The following GRIK1 variants were observed in gnomAD, a reference collection of about 807,000 sequenced individuals.
GRIK1 encodes glutamate receptor ionotropic, kainate 1.
A neutral mutation model predicts 105.7 loss-of-function variants in GRIK1; 69 were observed. The ratio of observed to expected loss-of-function variants is 0.65; its 90% confidence interval spans 0.54 to 0.80. The LOEUF is 0.80. GRIK1 is among the 30% of genes least tolerant of loss of function. The probability of loss-of-function intolerance (pLI) is 0.00; values close to 1 mark genes in which losing one functional copy is unlikely to be tolerated. For synonymous variants in GRIK1, 438 were observed against 431.3 expected, an observed-to-expected ratio of 1.02 and a Z score of -0.19; for missense variants, 1,109 against 1,167.3, an observed-to-expected ratio of 0.95 and a Z score of 0.73.
chr21:29,744,499 G>A (rs2065003480), intron 1 of GRIK1, among the ~76,000 whole-genome samples: 1 of 151,644 alleles, frequency 6.6e-6, no homozygotes, highest in Non-Finnish European at 1.5e-5. Flanking sequence ...ATTCTGAGGA[G>A]AGGGGGCAAG....
chr21:29,585,227 G>C (rs2091105202), intron 12 of GRIK1, among the ~76,000 whole-genome samples: 1 of 152,108 alleles, frequency 6.6e-6, no homozygotes, highest in Non-Finnish European at 1.5e-5. Flanking sequence ...TGGGGGTACT[G>C]TTATCTTAAT....
chr21:29,777,990 T>C (rs541751124), intron 1 of GRIK1, among the ~76,000 whole-genome samples: 1 of 152,178 alleles, frequency 6.6e-6, no homozygotes, highest in Non-Finnish European at 1.5e-5. Context: ...CTGTGGGAAC[T>C]GCAGCAGACT....
chr21:29,710,895 T>G (rs982832578), intron 1 of GRIK1, among the ~76,000 whole-genome samples: 15 of 149,664 alleles, frequency 1.0e-4, no homozygotes, highest in African/African-American at 3.4e-4. Context: ...CTCCTTCCCT[T>G]TCTTCTTTCC....
chr21:29,908,911 A>G (rs190965103), intron 1 of GRIK1, among the ~76,000 whole-genome samples: 1 of 152,296 alleles, frequency 6.6e-6, no homozygotes, highest in African/African-American at 2.4e-5. Context: ...CTTCCTCTCA[A>G]GTATTTCCTC....
At chr21:29,862,555 C>G (rs1002689217) in intron 1 of GRIK1, among the ~76,000 whole-genome samples, 3 of 152,120 alleles carry the variant, frequency 2.0e-5, no homozygotes, top group Non-Finnish European at 4.4e-5. Context: ...GCTCCAGCTC[C>G]CCAAAGTCAT....
intron 8 of GRIK1, among the ~76,000 whole-genome samples, chr21:29,598,191 A>T (rs573882550): frequency 2.6e-5 from 4 of 152,342 alleles, no homozygotes; most frequent in South Asian, 2.1e-4. Flanking sequence ...TATCATTATT[A>T]TTTAACCAAA....
At chr21:29,779,748 A>G (rs968077799) in intron 1 of GRIK1, among the ~76,000 whole-genome samples, 1 of 152,190 alleles carries the variant, frequency 6.6e-6, no homozygotes, top group Admixed American at 6.5e-5. Context: ...CAAAAATTCC[A>G]CTAATTTACT....
intron 1 of GRIK1, among the ~76,000 whole-genome samples, chr21:29,935,146 G>A (rs1272165468): frequency 1.3e-5 from 2 of 152,152 alleles, no homozygotes; most frequent in Non-Finnish European, 2.9e-5. Context: ...CACACTCTAT[G>A]CACTTGGAAG....
In GRIK1 at chr21:29,607,387, A is replaced by G. The variant is rs55765811; in HGVS notation, c.1099-8450T>C. Among the ~76,000 whole-genome samples the G allele has an allele frequency of 9.4e-3, 1,416 of 150,556 alleles. 20 individuals are homozygous for G. Among genetic ancestry groups the G allele is most frequent in the African/African-American group, 0.033 (1,360 of 40,632 alleles). ...AAACTGCAACCCTCAATAGCTGCCT[A>G]TCTCTGGAAATTAAAAAAAAAAAAA... On this transcript the variant is annotated intron_variant, in intron 7 of 17. Coordinates refer to ENST00000327783, the MANE Select transcript of GRIK1 (RefSeq NM_001330994.2).
chr21:29,836,011 A>G (rs2067793473), intron 1 of GRIK1, among the ~76,000 whole-genome samples: 1 of 128,734 alleles, frequency 7.8e-6, no homozygotes, highest in African/African-American at 2.4e-5. Flanking sequence ...TGTGGGAGAA[A>G]CTGTTCCTTG....
At chr21:29,564,823 C>A (rs980888055) in intron 14 of GRIK1, among the ~76,000 whole-genome samples, 1 of 152,208 alleles carries the variant, frequency 6.6e-6, no homozygotes. Context: ...CAGTATTCAA[C>A]AGCTGCAACA....
At chr21:29,856,218 C>T (rs2068460367) in intron 1 of GRIK1, among the ~76,000 whole-genome samples, 1 of 152,010 alleles carries the variant, frequency 6.6e-6, no homozygotes, top group Non-Finnish European at 1.5e-5. Context: ...ACCCCAGGCC[C>T]CTGGTCTGGC....
intron 1 of GRIK1, among the ~76,000 whole-genome samples, chr21:29,696,230 G>A (rs893200798): frequency 6.6e-6 from 1 of 152,072 alleles, no homozygotes; most frequent in Non-Finnish European, 1.5e-5. Flanking sequence ...TAATTTCCCT[G>A]GTTTCTGAGA....
At chr21:29,876,112 A>ATGTGTGTGTGTGTGTG (rs1555903193) in intron 1 of GRIK1, among the ~76,000 whole-genome samples, 42 of 149,090 alleles carry the variant, frequency 2.8e-4, no homozygotes, top group African/African-American at 1.0e-3. Context: ...GGAGATAGAT[A>ATGTGTGTGTGTGTGTG]TGTGTGTGTG....
intron 4 of GRIK1, among the ~76,000 whole-genome samples, chr21:29,656,457 T>C (rs906531446): frequency 2.0e-5 from 3 of 149,918 alleles, no homozygotes; most frequent in South Asian, 2.1e-4. Context: ...TGGTCAATTC[T>C]GGATGCAAGT....
intron 1 of GRIK1, among the ~76,000 whole-genome samples, chr21:29,731,353 T>G (rs554099736): frequency 1.3e-4 from 20 of 152,292 alleles, no homozygotes; most frequent in Admixed American, 1.3e-3. Flanking sequence ...TAACCTTAGC[T>G]CTTGAGCAGT....
chr21:29,577,903 C>T (rs535406211), intron 13 of GRIK1, among the ~76,000 whole-genome samples: 1 of 152,244 alleles, frequency 6.6e-6, no homozygotes, highest in South Asian at 2.1e-4. Flanking sequence ...TAAGAATATA[C>T]ATTTTAGATG....
intron 1 of GRIK1, among the ~76,000 whole-genome samples, chr21:29,767,011 C>G (rs931099326): frequency 6.6e-6 from 1 of 152,160 alleles, no homozygotes; most frequent in African/African-American, 2.4e-5. Context: ...TAGGACCCAC[C>G]TTCTCCTAGC....
intron 1 of GRIK1, among the ~76,000 whole-genome samples, chr21:29,716,731 T>G (rs1379558914): frequency 2.0e-5 from 3 of 152,196 alleles, no homozygotes; most frequent in Non-Finnish European, 4.4e-5. Flanking sequence ...GCATAAAAGT[T>G]TGAAAAATTT....
Sources: allele counts gnomAD v4.1 joint callset (sites outside exome capture counted in the v4.1 genomes callset), GRCh38; gene constraint gnomAD v4.1.1; transcripts MANE v1.5; gene names NCBI Gene and HGNC (gene_info 2026-07-23, HGNC 2026-07-21).